The following JAKMIP3 variants were observed in gnomAD, a reference collection of about 807,000 sequenced individuals.
JAKMIP3 encodes janus kinase and microtubule-interacting protein 3.
In JAKMIP3, 58 loss-of-function variants were observed where a neutral mutation model predicts 118.5. The observed-to-expected ratio is 0.49, with a 90% CI of 0.40 to 0.61. JAKMIP3 has a LOEUF of 0.61. Among genes scored for constraint, JAKMIP3 ranks in the 20% least tolerant of loss-of-function variants. JAKMIP3 has a pLI of 0.00. For missense variants in JAKMIP3, 950 were observed against 1,109.0 expected (o/e 0.86, Z 2.04); for synonymous variants, 486 against 451.2 (o/e 1.08, Z -0.98).
chr10:132,105,962 G>A (rs1218972013), intron 2 of JAKMIP3, among the ~76,000 whole-genome samples: 3 of 145,340 alleles, frequency 2.1e-5, no homozygotes, highest in East Asian at 3.9e-4. Context: ...TGACCCTCCT[G>A]TGATTTCACC....
intron 1 of JAKMIP3, among the ~76,000 whole-genome samples, chr10:132,076,595 C>T (rs2040822467): frequency 6.6e-6 from 1 of 150,904 alleles, no homozygotes; most frequent in Admixed American, 6.6e-5. Context: ...GGCCCCAGGT[C>T]TGACGGCATG....
At chr10:132,171,107 G>A (rs1030241609) in intron 23 of JAKMIP3, among the ~76,000 whole-genome samples, 2 of 152,242 alleles carry the variant, frequency 1.3e-5, no homozygotes, top group Non-Finnish European at 2.9e-5. Context: ...AGAGGAGAGC[G>A]ATGCCTTTGC....
intron 23 of JAKMIP3, chr10:132,181,264 A>G (rs1305448947): frequency 6.6e-6 from 1 of 152,198 alleles, no homozygotes; most frequent in Non-Finnish European, 1.5e-5. Flanking sequence ...GTGAGTTTTT[A>G]AAATTCAGCA....
At position 132,167,937 on chromosome 10, in the gene JAKMIP3, G is replaced by A. The variant is rs530930844; in HGVS notation, c.*23-16G>A. On this transcript the variant is annotated splice_polypyrimidine_tract_variant and intron_variant, in intron 22 of 23. Coordinates refer to ENST00000684848, the MANE Select transcript of JAKMIP3 (RefSeq NM_001323087.2). ...GAGCCTCGCTGACTCTGCACTCTACGTTTCATTTCTTCCAGCCCCACATTG... is the reference window on the plus strand; with the variant it reads ...GAGCCTCGCTGACTCTGCACTCTACATTTCATTTCTTCCAGCCCCACATTG... The A allele has an allele frequency of 4.7e-5, 61 of 1,288,036 alleles. No individual in the cohort carries two copies. The highest frequency in any genetic ancestry group is 1.1e-4 in the East Asian group (2 of 17,868). 79.8% of individuals were successfully genotyped at this position (1,288,036 alleles called of 1,614,324 possible).
chr10:132,143,139 AGTCG>A (rs1010718203), intron 11 of JAKMIP3, among the ~76,000 whole-genome samples: 4 of 146,114 alleles, frequency 2.7e-5, no homozygotes, highest in African/African-American at 8.1e-5. Context: ...TCCTGTCCTG[AGTCG>A]GGGTGGGGGG....
At chr10:132,180,616 CGT>C (rs1318352347) in intron 23 of JAKMIP3, among the ~76,000 whole-genome samples, 314 of 14,590 alleles carry the variant, frequency 0.022, 47 homozygotes, top group East Asian at 0.2. Context: ...TGTGTGTGTG[CGT>C]GTGTGTGCGT....
intron 19 of JAKMIP3, among the ~76,000 whole-genome samples, chr10:132,154,868 A>ATAGTGGTGG (rs1564974023): frequency 1.1e-5 from 1 of 93,006 alleles, no homozygotes; most frequent in Non-Finnish European, 2.3e-5. Context: ...GATGGTGGTG[A>ATAGTGGTGG]TAGTGGTGGT....
intron 1 of JAKMIP3, among the ~76,000 whole-genome samples, chr10:132,057,024 C>T (rs1399858380): frequency 6.6e-6 from 1 of 152,156 alleles, no homozygotes; most frequent in Non-Finnish European, 1.5e-5. Flanking sequence ...CTGGGGGTGG[C>T]TCTCAGCCTA....
At chr10:132,129,770 C>T (rs571565036) in intron 3 of JAKMIP3, among the ~76,000 whole-genome samples, 49 of 152,064 alleles carry the variant, frequency 3.2e-4, no homozygotes, top group Admixed American at 5.9e-4. Context: ...CCTGCCCCTG[C>T]GTTGTGTATC....
chr10:132,101,646 C>T (rs2044934644), intron 1 of JAKMIP3, among the ~76,000 whole-genome samples: 1 of 152,084 alleles, frequency 6.6e-6, no homozygotes, highest in Admixed American at 6.5e-5. Flanking sequence ...GAGCACTGCA[C>T]AGAGAGTGGT....
intron 5 of JAKMIP3, 42 bp from the exon 6 acceptor site, chr10:132,135,888 T>C: frequency 6.3e-7 from 1 of 1,587,208 alleles, no homozygotes; most frequent in Non-Finnish European, 8.6e-7. Context: ...CTGCTGGTTC[T>C]CCGTCACTTA....
intron 3 of JAKMIP3, among the ~76,000 whole-genome samples, chr10:132,122,489 G>A (rs2048738615): frequency 6.6e-6 from 1 of 152,268 alleles, no homozygotes; most frequent in Non-Finnish European, 1.5e-5. Context: ...GGGCCACACA[G>A]CAGGGCAGGG....
chr10:132,151,054 C>G (rs1201542920), intron 16 of JAKMIP3, among the ~76,000 whole-genome samples: 2 of 151,942 alleles, frequency 1.3e-5, no homozygotes, highest in African/African-American at 2.4e-5. Context: ...ATCCTCTACC[C>G]ATTAACCTTT....
At chr10:132,042,545 G>A (rs931352902) in intron 1 of JAKMIP3, among the ~76,000 whole-genome samples, 1 of 152,126 alleles carries the variant, frequency 6.6e-6, no homozygotes, top group Non-Finnish European at 1.5e-5. Flanking sequence ...TCATGGTGCG[G>A]CCACCCTGGA....
intron 13 of JAKMIP3, 51 bp downstream of exon 13, chr10:132,145,631 G>C (rs933683108): frequency 1.4e-5 from 21 of 1,472,748 alleles, no homozygotes; most frequent in Non-Finnish European, 1.8e-5. Flanking sequence ...TATGCTCCTG[G>C]GGGTTGCAGT....
chr10:132,087,799 C>A (rs2042586818), intron 1 of JAKMIP3, among the ~76,000 whole-genome samples: 2 of 151,600 alleles, frequency 1.3e-5, no homozygotes, highest in South Asian at 4.2e-4. Context: ...TGTTGGTGTG[C>A]TGCACCCATT....
At chr10:132,114,432 C>G (rs895955657) in intron 2 of JAKMIP3, among the ~76,000 whole-genome samples, 2 of 151,980 alleles carry the variant, frequency 1.3e-5, no homozygotes, top group Non-Finnish European at 2.9e-5. Context: ...ACTGTGTTGC[C>G]CAGGCTGGTC....
intron 2 of JAKMIP3, among the ~76,000 whole-genome samples, chr10:132,108,269 G>A (rs1194978621): frequency 6.6e-6 from 1 of 152,130 alleles, no homozygotes; most frequent in East Asian, 1.9e-4. Flanking sequence ...CATTGAACCT[G>A]CCCAGGGCCG....
At position 132,163,218 on chromosome 10, in the gene JAKMIP3, G is replaced by A. The variant is rs2058543619; in HGVS notation, c.2230G>A (p.Glu744Lys). 6.4e-7 allele frequency: 1 copy of A among 1,559,646 alleles called. No individual in the cohort carries two copies. Among genetic ancestry groups the A allele is most frequent in the Non-Finnish European group, 8.7e-7 (1 of 1,152,192 alleles). Residue 744 changes from glutamate to lysine, a missense_variant, in exon 20 of 24, where the codon GAG (glutamate) becomes AAG (lysine). By Grantham distance (56) the Glu-to-Lys change is moderately conservative (BLOSUM62 1). Coordinates refer to ENST00000684848, the MANE Select transcript of JAKMIP3 (RefSeq NM_001323087.2). ...TCCCCTTCCGCCCCAGCACATCCTG[G>A]AGCTGGAAGCCATGCTGTATGATGC... ...ALDQANKHIL[E>K]LEAMLYDALQ...
Sources: gnomAD v4.1 joint callset for allele counts (sites outside exome capture counted in the v4.1 genomes callset) on GRCh38, gnomAD v4.1.1 for gene constraint, MANE v1.5 for transcripts, NCBI Gene and HGNC (gene_info 2026-07-23, HGNC 2026-07-21) for gene names.